NRG3: variants seen among roughly 807,000 people sequenced by gnomAD.
The protein encoded by NRG3 is neuregulin 3, also known as pro-neuregulin-3, membrane-bound isoform.
A neutral mutation model predicts 66.9 loss-of-function variants in NRG3; 31 were observed. That is an observed-to-expected ratio of 0.46 (90% CI 0.35 to 0.63). The LOEUF (loss-of-function observed/expected upper bound fraction) is 0.63, where lower values mean the gene tolerates loss of function less well. Among genes scored for constraint, NRG3 ranks in the 20% least tolerant of loss-of-function variants. NRG3 has a pLI of 0.00. For missense variants in NRG3, 910 were observed against 878.9 expected (o/e 1.04, Z -0.45); for synonymous variants, 393 against 359.4 (o/e 1.09, Z -1.06).
At chr10:81,905,791 C>T (rs1844543783) in intron 1 of NRG3, among the ~76,000 whole-genome samples, 1 of 152,174 alleles carries the variant, frequency 6.6e-6, no homozygotes, top group Non-Finnish European at 1.5e-5. Flanking sequence ...GCATTCTGTG[C>T]ATGCATTCTA....
intron 2 of NRG3, among the ~76,000 whole-genome samples, chr10:82,724,240 C>T (rs1467600061): frequency 6.6e-6 from 1 of 150,406 alleles, no homozygotes; most frequent in Non-Finnish European, 1.5e-5. Flanking sequence ...TTTTTAAGAC[C>T]AGACCTCCCT....
At chr10:82,625,259 C>T (rs2049335846) in intron 2 of NRG3, among the ~76,000 whole-genome samples, 1 of 151,810 alleles carries the variant, frequency 6.6e-6, no homozygotes, top group Non-Finnish European at 1.5e-5. Context: ...TAAACATAGC[C>T]TATGCACTTT....
At chr10:81,896,559 C>T (rs145757550) in intron 1 of NRG3, among the ~76,000 whole-genome samples, 2 of 151,880 alleles carry the variant, frequency 1.3e-5, no homozygotes, top group African/African-American at 2.4e-5. Flanking sequence ...ATTCATCTTA[C>T]TGACTTTTCA....
chr10:82,729,731 A>C (rs2057793961), intron 2 of NRG3, among the ~76,000 whole-genome samples: 1 of 152,206 alleles, frequency 6.6e-6, no homozygotes, highest in African/African-American at 2.4e-5. Flanking sequence ...TAGAAGTAAA[A>C]AATTGATGTG....
rs1012449297 is a variant in NRG3 at position 82,323,673 on chromosome 10, A to G, written c.824-35066A>G. On this transcript the variant is annotated intron_variant, in intron 1 of 8. Transcript: ENST00000372141. The stretch of plus-strand genomic sequence containing the variant: ...CTTAAATATTCTGAAAGAGTTTTAC[A>G]GAATTGGTGTTTTTTTAAATTACAT... 1.8e-4 allele frequency among the ~76,000 whole-genome samples: 28 copies of G among 152,216 alleles called. No homozygotes were observed. In the South Asian group the frequency reaches 3.1e-3, roughly 17 times the overall value.
intron 1 of NRG3, among the ~76,000 whole-genome samples, chr10:82,040,498 CAT>C (rs147836876): frequency 0.059 from 9,027 of 151,942 alleles, 390 homozygotes; most frequent in East Asian, 0.16. Flanking sequence ...TCTTGGCACC[CAT>C]ATATGTGTCT....
At chr10:82,065,708 CT>C (rs1170990236) in intron 1 of NRG3, among the ~76,000 whole-genome samples, 4 of 152,132 alleles carry the variant, frequency 2.6e-5, no homozygotes, top group Admixed American at 2.6e-4. Context: ...ATAGTGTGTT[CT>C]GTGTCTCTAG....
At chr10:82,201,415 T>C (rs1167139918) in intron 1 of NRG3, among the ~76,000 whole-genome samples, 2 of 152,104 alleles carry the variant, frequency 1.3e-5, no homozygotes, top group Admixed American at 1.3e-4. Flanking sequence ...TCTGAAATCA[T>C]TTCTGTCTCA....
chr10:82,892,230 T>C (rs929128672), intron 4 of NRG3, among the ~76,000 whole-genome samples: 1 of 152,058 alleles, frequency 6.6e-6, no homozygotes, highest in African/African-American at 2.4e-5. Flanking sequence ...AATAGAGATG[T>C]TGAGTACTAG....
At chr10:82,682,774 A>AAACTCAC (rs1275423807) in intron 2 of NRG3, among the ~76,000 whole-genome samples, 2 of 152,032 alleles carry the variant, frequency 1.3e-5, no homozygotes, top group Non-Finnish European at 2.9e-5. Flanking sequence ...ATTTCTTACA[A>AAACTCAC]AACTCACTCC....
intron 1 of NRG3, among the ~76,000 whole-genome samples, chr10:82,357,008 A>T (rs1417817676): frequency 6.6e-6 from 1 of 152,164 alleles, no homozygotes; most frequent in Non-Finnish European, 1.5e-5. Flanking sequence ...AAACAAAGAA[A>T]GGATTACTTG....
intron 1 of NRG3, among the ~76,000 whole-genome samples, chr10:82,144,182 CT>C (rs1369034973): frequency 6.6e-6 from 1 of 152,018 alleles, no homozygotes; most frequent in Admixed American, 6.6e-5. Context: ...GACTTCTGTG[CT>C]CTTATTCACG....
intron 1 of NRG3, among the ~76,000 whole-genome samples, chr10:81,971,454 TATTTA>T (rs751489581): frequency 1.3e-5 from 2 of 152,226 alleles, no homozygotes; most frequent in Non-Finnish European, 2.9e-5. Flanking sequence ...AAATATCTAT[TATTTA>T]ATAAGTAATG....
intron 2 of NRG3, among the ~76,000 whole-genome samples, chr10:82,483,395 T>A (rs915519589): frequency 6.6e-6 from 1 of 152,242 alleles, no homozygotes; most frequent in African/African-American, 2.4e-5. Flanking sequence ...CTTCCTTGCT[T>A]GGTCATCTCA....
At chr10:82,042,124 C>T (rs2063070660) in intron 1 of NRG3, among the ~76,000 whole-genome samples, 1 of 151,812 alleles carries the variant, frequency 6.6e-6, no homozygotes. Flanking sequence ...AAAATAATCT[C>T]AGTCAAAGAC....
rs193107829 is a variant in NRG3, at chr10:82,884,011, T to C, written c.1054+18574T>C. 6.8e-3 allele frequency among the ~76,000 whole-genome samples: 1,041 copies of C among 152,176 alleles called. 14 individuals carry two copies. The highest frequency in any genetic ancestry group is 0.019 in the Admixed American group (295 of 15,268). ...AGATGATACTATGCAATTCTGTCTA[T>C]TTAAAATGTATTTATATTAAGTTTT... On this transcript the variant is annotated intron_variant, in intron 4 of 8. Transcript: ENST00000372141.
At chr10:82,466,526 C>T (rs772237414) in intron 2 of NRG3, among the ~76,000 whole-genome samples, 7 of 152,082 alleles carry the variant, frequency 4.6e-5, no homozygotes, top group Non-Finnish European at 7.3e-5. Flanking sequence ...GCCTTGAAAT[C>T]GACCTGCTTC....
intron 2 of NRG3, among the ~76,000 whole-genome samples, chr10:82,505,106 G>A (rs969470039): frequency 2.6e-5 from 4 of 152,236 alleles, no homozygotes; most frequent in South Asian, 4.1e-4. Flanking sequence ...TTTTGGAATC[G>A]AAAGTGGAAC....
chr10:82,270,032 G>T (rs970869418), intron 1 of NRG3, among the ~76,000 whole-genome samples: 1 of 152,046 alleles, frequency 6.6e-6, no homozygotes. Flanking sequence ...TTGTAAAAAC[G>T]ACATGAGTAT....
Sources: gnomAD v4.1 joint callset for allele counts (sites outside exome capture counted in the v4.1 genomes callset) on GRCh38, gnomAD v4.1.1 for gene constraint, MANE v1.5 for transcripts, NCBI Gene and HGNC (gene_info 2026-07-23, HGNC 2026-07-21) for gene names.